The following RAD54B variants were observed in gnomAD, a reference collection of about 807,000 sequenced individuals.
The protein encoded by RAD54B is DNA repair and recombination protein RAD54B.
In RAD54B, 78 loss-of-function variants were observed where a neutral mutation model predicts 95.8. That is an observed-to-expected ratio of 0.81 (90% CI 0.68 to 0.98). The LOEUF is 0.98. RAD54B is among the 50% of genes least tolerant of loss of function. The probability of loss-of-function intolerance (pLI) is 0.00; values close to 1 mark genes in which losing one functional copy is unlikely to be tolerated. For missense variants in RAD54B, 957 were observed against 1,056.6 expected (o/e 0.91, Z 1.31); for synonymous variants, 328 against 354.9 (o/e 0.92, Z 0.85).
At chr8:94,431,679 T>C in intron 3 of RAD54B, 1 of 981,552 alleles carries the variant, frequency 1.0e-6, no homozygotes, top group African/African-American at 1.7e-5. Context: ...GATTTACTCC[T>C]TCAAAAGATA....
intron 3 of RAD54B, among the ~76,000 whole-genome samples, chr8:94,454,108 T>C (rs775005526): frequency 2.0e-5 from 3 of 151,960 alleles, no homozygotes; most frequent in Non-Finnish European, 2.9e-5. Context: ...TACTATACTC[T>C]TAACATCTTC....
chr8:94,419,747 C>CAAAAAAA (rs36042247), intron 3 of RAD54B, among the ~76,000 whole-genome samples: 4 of 70,310 alleles, frequency 5.7e-5, no homozygotes, highest in Non-Finnish European at 1.1e-4. Flanking sequence ...TGGCCCCCAC[C>CAAAAAAA]AAAAAAAAAA....
In RAD54B at chr8:94,378,351, G is replaced by A; in HGVS notation, c.2344C>T (p.Gln782Ter). ...GTIEEKIYQR[Q>*]ISKQGLCGAV... ...CCACAAAGACCTTGCTTACTGATCT[G>A]CCTTTGATAGATCTTTTCTTCTATT... The change falls in exon 14 of 15, where the codon CAG becomes TAG. Residue 782 changes from glutamine to a stop codon, truncating the protein, a stop_gained. Coordinates refer to ENST00000336148, the MANE Select transcript of RAD54B (RefSeq NM_012415.3). LOFTEE classifies it high-confidence loss of function. 1 of 1,613,540 alleles carries A rather than the reference G, an allele frequency of 6.2e-7. No homozygotes were observed. The highest frequency in any genetic ancestry group is 1.1e-5 in the South Asian group (1 of 90,948).
At chr8:94,416,603 T>C (rs1586151448) in intron 3 of RAD54B, among the ~76,000 whole-genome samples, 2 of 151,444 alleles carry the variant, frequency 1.3e-5, no homozygotes, top group East Asian at 1.9e-4. Flanking sequence ...GAAAATGATA[T>C]ATACAAACAA....
chr8:94,429,188 G>A lies in RAD54B; in HGVS notation c.305-17873C>T, dbSNP rs943684593. 23 of 838,874 alleles carry A rather than the reference G, an allele frequency of 2.7e-5. No individual in the cohort carries two copies. The South Asian group carries it at 1.0e-3, about 38-fold the overall frequency. The allele number at this position is 838,874 out of a possible 1,614,324, so 52.0% of individuals were successfully genotyped here. ...TTCTTATTGTATACAGCCCCTAAAT[G>A]CTAATGAATTGTGTCACCTAACACA... is the stretch of plus-strand genomic sequence containing the variant. On this transcript the variant is annotated intron_variant, in intron 3 of 14. Coordinates refer to ENST00000336148, the MANE Select transcript of RAD54B (RefSeq NM_012415.3).
At chr8:94,446,364 T>G (rs1812518779) in intron 3 of RAD54B, among the ~76,000 whole-genome samples, 1 of 152,152 alleles carries the variant, frequency 6.6e-6, no homozygotes, top group Non-Finnish European at 1.5e-5. Flanking sequence ...AGAGCCTGAT[T>G]AAAATGCTGA....
chr8:94,420,684 TA>T (rs58521756), intron 3 of RAD54B, among the ~76,000 whole-genome samples: 61,615 of 151,134 alleles, frequency 0.41, 12,670 homozygotes, highest in Admixed American at 0.51. Context: ...AACACATACA[TA>T]AAAAAAAAGA....
At chr8:94,430,675 T>A in intron 3 of RAD54B, 1 of 794,386 alleles carries the variant, frequency 1.3e-6, no homozygotes. Flanking sequence ...AATGGCTCAG[T>A]GAGGCCCACT....
At chr8:94,398,162 G>A (rs1476157498) in intron 8 of RAD54B, among the ~76,000 whole-genome samples, 2 of 151,890 alleles carry the variant, frequency 1.3e-5, no homozygotes, top group Non-Finnish European at 2.9e-5. Context: ...AGAAAATCTT[G>A]GGGGTATAAC....
chr8:94,432,185 C>T (rs1188228280), intron 3 of RAD54B: 1 of 1,550,236 alleles, frequency 6.5e-7, no homozygotes, highest in South Asian at 1.2e-5. Context: ...CTTTCAGCTT[C>T]TCCACTTCAA....
At chr8:94,471,511 T>C (rs1390608481) in intron 1 of RAD54B, among the ~76,000 whole-genome samples, 1 of 152,174 alleles carries the variant, frequency 6.6e-6, no homozygotes, top group East Asian at 1.9e-4. Context: ...CAGGAGTATA[T>C]ATACATCTGT....
At chr8:94,441,708 T>C (rs1030978488) in intron 3 of RAD54B, among the ~76,000 whole-genome samples, 4 of 152,138 alleles carry the variant, frequency 2.6e-5, no homozygotes, top group African/African-American at 9.7e-5. Flanking sequence ...TCCCCAGAGA[T>C]AGGGGTGAGG....
intron 2 of RAD54B, among the ~76,000 whole-genome samples, chr8:94,466,910 TC>T (rs1432648782): frequency 2.0e-5 from 3 of 152,162 alleles, no homozygotes; most frequent in Admixed American, 2.0e-4. Context: ...TTTTATAGAC[TC>T]AAGTACATGT....
chr8:94,474,368 T>C (rs1813242405), intron 1 of RAD54B, among the ~76,000 whole-genome samples: 1 of 152,142 alleles, frequency 6.6e-6, no homozygotes, highest in Non-Finnish European at 1.5e-5. Context: ...AATAAACAGC[T>C]GAAAATAATT....
intron 2 of RAD54B, among the ~76,000 whole-genome samples, chr8:94,459,940 C>A (rs529147678): frequency 5.3e-5 from 8 of 150,810 alleles, no homozygotes; most frequent in African/African-American, 2.0e-4. Context: ...AGGCAGATCA[C>A]GAGGTCAGGA....
chr8:94,400,119 A>G (rs1586137029), intron 7 of RAD54B, 119 bp downstream of exon 7: 1 of 855,128 alleles, frequency 1.2e-6, no homozygotes, highest in Non-Finnish European at 1.8e-6. Context: ...ACCAAAATGT[A>G]AGCTAAAACT....
intron 2 of RAD54B, among the ~76,000 whole-genome samples, chr8:94,462,472 A>G (rs1426815645): frequency 6.6e-6 from 1 of 152,128 alleles, no homozygotes; most frequent in African/African-American, 2.4e-5. Context: ...ATATATTAGT[A>G]TAGATTCTGA....
intron 3 of RAD54B, among the ~76,000 whole-genome samples, chr8:94,424,192 GA>G (rs1187793443): frequency 6.6e-6 from 1 of 152,180 alleles, no homozygotes; most frequent in Admixed American, 6.5e-5. Context: ...CAGAACAGCA[GA>G]AGGGCATGAA....
At chr8:94,388,457 C>A (rs978681861) in intron 10 of RAD54B, among the ~76,000 whole-genome samples, 5 of 152,114 alleles carry the variant, frequency 3.3e-5, no homozygotes, top group Admixed American at 2.6e-4. Context: ...GTAGGCTATT[C>A]GTAGTTCAGT....
Sources: gnomAD v4.1 joint callset for allele counts (sites outside exome capture counted in the v4.1 genomes callset) on GRCh38, gnomAD v4.1.1 for gene constraint, MANE v1.5 for transcripts, NCBI Gene and HGNC (gene_info 2026-07-23, HGNC 2026-07-21) for gene names.